SBNO2: variants seen among roughly 807,000 people sequenced by gnomAD.
The protein encoded by SBNO2 is strawberry notch homolog 2.
SBNO2 carries 89 observed loss-of-function variants against 146.3 expected under a neutral mutation model. The ratio of observed to expected loss-of-function variants is 0.61; its 90% CI spans 0.51 to 0.73. SBNO2 has a LOEUF of 0.73. Among genes scored for constraint, SBNO2 ranks in the 30% least tolerant of loss-of-function variants. The pLI is 0.00. For missense variants in SBNO2, 2,092 were observed against 2,003.7 expected, an observed-to-expected ratio of 1.04 and a Z score of -0.84; for synonymous variants, 1,147 against 892.6, an observed-to-expected ratio of 1.29 and a Z score of -5.08.
intron 4 of SBNO2, chr19:1,131,944 TG>T: frequency 2.1e-6 from 1 of 476,356 alleles, no homozygotes; most frequent in Non-Finnish European, 3.6e-6. Flanking sequence ...CGGGGCGGGG[TG>T]GGGATTTTTT....
At chr19:1,113,830 G>C in intron 18 of SBNO2, 126 bp from the exon 19 acceptor site, 2 of 1,245,674 alleles carry the variant, frequency 1.6e-6, no homozygotes, top group Non-Finnish European at 1.0e-6. Flanking sequence ...CGGCAGGGTG[G>C]CGGGGAAGCC....
intron 14 of SBNO2, 150 bp downstream of exon 14, chr19:1,118,861 G>C: frequency 1.3e-6 from 1 of 747,518 alleles, no homozygotes; most frequent in Non-Finnish European, 2.1e-6. Flanking sequence ...GACAGCACGA[G>C]ACTGTCTCAA....
At chr19:1,131,907 T>A (rs1268462858) in intron 4 of SBNO2, among the ~76,000 whole-genome samples, 1 of 152,194 alleles carries the variant, frequency 6.6e-6, no homozygotes. Context: ...TTCCGGCAGA[T>A]TCCCTCTCAC....
At chr19:1,128,471 C>T (rs1337077868) in intron 4 of SBNO2, among the ~76,000 whole-genome samples, 3 of 152,050 alleles carry the variant, frequency 2.0e-5, no homozygotes, top group East Asian at 2.0e-4. Context: ...CGTCTCACTG[C>T]ACCCTCTGCC....
At chr19:1,162,722 G>C (rs923642147) in intron 1 of SBNO2, among the ~76,000 whole-genome samples, 1 of 152,198 alleles carries the variant, frequency 6.6e-6, no homozygotes, top group African/African-American at 2.4e-5. Context: ...CCCAGAGCTG[G>C]TCTAGCCCCT....
chr19:1,139,874 G>A (rs910971928), intron 4 of SBNO2, among the ~76,000 whole-genome samples: 3 of 152,126 alleles, frequency 2.0e-5, no homozygotes, highest in East Asian at 3.8e-4. Flanking sequence ...GAACCTGGGA[G>A]GCAGAGTTTG....
In SBNO2 at chr19:1,108,818, T is replaced by C; in HGVS notation, c.3577A>G (p.Ile1193Val). The change falls in exon 31 of 32, where the codon ATC (isoleucine) becomes GTC (valine). Residue 1193 changes from isoleucine (I) to valine (V), a missense_variant. By Grantham distance (29) the Ile-to-Val change is conservative. Coordinates refer to ENST00000361757, the MANE Select transcript of SBNO2 (RefSeq NM_014963.3). ...ADVSSSSYLQIVRLKTKDRKK... is the reference protein window; with the variant it reads ...ADVSSSSYLQVVRLKTKDRKK... ...CTGTCCTTGGTCTTCAGCCGCACGA[T>C]CTGCAGGTAGCTGCTGCTGCTGACG... The C allele has an allele frequency of 6.2e-7, 1 of 1,602,982 alleles. No individual in the cohort carries two copies. Among genetic ancestry groups the C allele is most frequent in the Non-Finnish European group, 8.5e-7 (1 of 1,179,016 alleles).
chr19:1,152,140 C>G (rs910716883), intron 2 of SBNO2, among the ~76,000 whole-genome samples: 36 of 152,214 alleles, frequency 2.4e-4, no homozygotes, highest in African/African-American at 8.4e-4. Flanking sequence ...CGGTTACGCG[C>G]ACGGGTGCGC....
intron 4 of SBNO2, among the ~76,000 whole-genome samples, chr19:1,133,606 C>G (rs1214268802): frequency 6.6e-6 from 1 of 152,224 alleles, no homozygotes; most frequent in African/African-American, 2.4e-5. Flanking sequence ...CAACACGGGT[C>G]CGTGCCGCTG....
intron 2 of SBNO2, among the ~76,000 whole-genome samples, chr19:1,153,214 C>T (rs1470865124): frequency 3.3e-5 from 5 of 150,500 alleles, no homozygotes; most frequent in South Asian, 2.1e-4. Context: ...TATATATACA[C>T]GTTTATATAT....
chr19:1,117,523 C>A (rs1333964270), intron 14 of SBNO2, 24 bp from the exon 15 acceptor site: 2 of 1,544,414 alleles, frequency 1.3e-6, no homozygotes, highest in Non-Finnish European at 1.7e-6. Context: ...TCACAAGGCG[C>A]CCCTGAGCTG....
At chr19:1,128,672 C>T (rs1293371724) in intron 4 of SBNO2, among the ~76,000 whole-genome samples, 1 of 150,002 alleles carries the variant, frequency 6.7e-6, no homozygotes, top group Non-Finnish European at 1.5e-5. Flanking sequence ...GGATTACAGG[C>T]GTGAGCCACC....
At chr19:1,147,501 G>T (rs1475728976) in intron 3 of SBNO2, 81 bp from the exon 4 acceptor site, 4 of 774,412 alleles carry the variant, frequency 5.2e-6, no homozygotes, top group Admixed American at 3.3e-5. Context: ...CCCCATGGCC[G>T]CAGCCAGAGG....
intron 4 of SBNO2, among the ~76,000 whole-genome samples, chr19:1,141,067 G>GCCCCGGAGAAGAGGCA (rs2145280113): frequency 7.5e-6 from 1 of 132,914 alleles, no homozygotes; most frequent in African/African-American, 2.8e-5. Flanking sequence ...GAGAAGAGGC[G>GCCCCGGAGAAGAGGCA]CCCCGGAGAA....
At chr19:1,132,176 T>C in intron 4 of SBNO2, 2 of 1,429,380 alleles carry the variant, frequency 1.4e-6, no homozygotes, top group East Asian at 3.0e-5. Flanking sequence ...CAGGAAGCGC[T>C]GCCCGGGAGC....
At chr19:1,170,763 G>A (rs1274908640) in intron 1 of SBNO2, among the ~76,000 whole-genome samples, 1 of 151,914 alleles carries the variant, frequency 6.6e-6, no homozygotes, top group Non-Finnish European at 1.5e-5. Flanking sequence ...GTGCATAACG[G>A]ACACAGGTGC....
chr19:1,108,722 G>A lies in SBNO2; in HGVS notation c.3617-18C>T, dbSNP rs1362102944. 3 of 1,569,626 alleles carry A rather than the reference G, an allele frequency of 1.9e-6. No homozygotes were observed. Among genetic ancestry groups the A allele is most frequent in the South Asian group, 1.1e-5 (1 of 87,284 alleles). On this transcript the variant is annotated intron_variant, in intron 31 of 31. Transcript: ENST00000361757. ...CTTGATGCCTGCGGGCAGAGCGTCGGGGTCAGGGCCGGCGCTGGGGGCTCG... is the reference window on the plus strand; with the variant it reads ...CTTGATGCCTGCGGGCAGAGCGTCGAGGTCAGGGCCGGCGCTGGGGGCTCG...
At position 1,128,154 on chromosome 19, in the gene SBNO2, A is replaced by G. The variant is rs764957325; in HGVS notation, c.280-389T>C. 6.3e-6 allele frequency: 3 copies of G among 473,776 alleles called. No individual in the cohort carries two copies. In the East Asian group the frequency reaches 1.9e-4, roughly 30 times the overall value. 29.3% of individuals were successfully genotyped at this position (473,776 alleles called of 1,614,324 possible). On this transcript the variant is annotated intron_variant, in intron 4 of 31. Coordinates refer to ENST00000361757, the MANE Select transcript of SBNO2 (RefSeq NM_014963.3). ...ACTCCGTCTCAAAAAAGAAAAAAAT[A>G]AACAAGCAATGGGTGAGAAACACCA...
At chr19:1,128,142 A>G (rs1037904003) in intron 4 of SBNO2, 10 of 477,882 alleles carry the variant, frequency 2.1e-5, no homozygotes, top group African/African-American at 1.2e-4. Context: ...CCGTCTCAAA[A>G]AAGAAAAAAA....
Sources: allele counts gnomAD v4.1 joint callset (sites outside exome capture counted in the v4.1 genomes callset), GRCh38; gene constraint gnomAD v4.1.1; transcripts MANE v1.5; gene names NCBI Gene and HGNC (gene_info 2026-07-23, HGNC 2026-07-21).